Variants in PTPRM observed in about 807,000 individuals in gnomAD.
PTPRM encodes receptor-type tyrosine-protein phosphatase mu.
In PTPRM, 47 loss-of-function variants were observed where a neutral mutation model predicts 186.7. That is an observed-to-expected ratio of 0.25 (90% CI 0.20 to 0.32). PTPRM has a LOEUF of 0.32. PTPRM is among the 10% of genes least tolerant of loss of function. The pLI, the probability that PTPRM is intolerant of heterozygous loss-of-function variation, is 1.00. For missense variants in PTPRM, 1,494 were observed against 1,865.0 expected (o/e 0.80, Z 3.66); for synonymous variants, 668 against 674.9 (o/e 0.99, Z 0.16).
rs765394035 is a variant in PTPRM at position 8,214,108 on chromosome 18, A to AG, written c.2301-29944dup. On this transcript the variant is annotated intron_variant, in intron 14 of 32. Transcript: ENST00000580170. ...GGTATAATGGACATTGGAGACTCGG[A>AG]GGGGGGCAGGTAGGGGAGTGAGACA... is the stretch of plus-strand genomic sequence containing the variant. Among the ~76,000 whole-genome samples, 6 of 152,084 alleles carry AG rather than the reference A, an allele frequency of 3.9e-5. No homozygotes were observed. The South Asian group carries it at 6.3e-4, about 16-fold the overall frequency.
At chr18:8,063,607 T>G (rs1443114036) in intron 7 of PTPRM, among the ~76,000 whole-genome samples, 1 of 152,176 alleles carries the variant, frequency 6.6e-6, no homozygotes, top group African/African-American at 2.4e-5. Flanking sequence ...CTACCCCTCT[T>G]TTTCCAACCT....
chr18:8,206,685 A>G (rs941818446), intron 14 of PTPRM, among the ~76,000 whole-genome samples: 1 of 152,250 alleles, frequency 6.6e-6, no homozygotes, highest in Non-Finnish European at 1.5e-5. Flanking sequence ...CAATATATGT[A>G]TTAAAGGCTG....
intron 7 of PTPRM, among the ~76,000 whole-genome samples, chr18:8,016,561 G>A (rs73385605): frequency 0.028 from 4,152 of 149,362 alleles, 112 homozygotes; most frequent in African/African-American, 0.071. Context: ...AAAAAGAAAA[G>A]AAAACACAAG....
intron 14 of PTPRM, among the ~76,000 whole-genome samples, chr18:8,172,165 T>C (rs2093411298): frequency 6.6e-6 from 1 of 152,050 alleles, no homozygotes; most frequent in Non-Finnish European, 1.5e-5. Flanking sequence ...GACTCACAGT[T>C]CTACGTGGCT....
chr18:7,869,064 C>A (rs567047141), intron 2 of PTPRM, among the ~76,000 whole-genome samples: 195 of 152,312 alleles, frequency 1.3e-3, no homozygotes, highest in African/African-American at 4.4e-3. Flanking sequence ...GCTGGAGCAT[C>A]CCAGGTTGAC....
intron 1 of PTPRM, among the ~76,000 whole-genome samples, chr18:7,665,691 C>T (rs896285152): frequency 6.6e-6 from 1 of 151,978 alleles, no homozygotes; most frequent in African/African-American, 2.4e-5. Context: ...CTTTTGGAGG[C>T]CGAGGGGGGT....
intron 23 of PTPRM, among the ~76,000 whole-genome samples, chr18:8,344,444 G>GTATATATATATATATATATA (rs749210473): frequency 7.7e-6 from 1 of 129,536 alleles, no homozygotes; most frequent in African/African-American, 3.3e-5. Flanking sequence ...GTGTGTGTGT[G>GTATATATATATATATATATA]TGTGTATATA....
chr18:7,740,190 C>T (rs1026800449), intron 1 of PTPRM, among the ~76,000 whole-genome samples: 4 of 152,162 alleles, frequency 2.6e-5, no homozygotes, highest in African/African-American at 9.7e-5. Context: ...CACCCTACCC[C>T]TCAGCTCCAA....
intron 23 of PTPRM, among the ~76,000 whole-genome samples, chr18:8,367,320 A>G (rs1473175990): frequency 6.6e-6 from 1 of 152,338 alleles, no homozygotes; most frequent in South Asian, 2.1e-4. Context: ...CCGCCCCGCC[A>G]GGTGCCTGTG....
intron 12 of PTPRM, 118 bp downstream of exon 12, chr18:8,113,877 A>G (rs2091855414): frequency 2.8e-6 from 3 of 1,069,570 alleles, no homozygotes; most frequent in African/African-American, 3.2e-5. Flanking sequence ...CTTGTAAACA[A>G]ATGTGATTTT....
chr18:8,363,492 C>T (rs2095609198), intron 23 of PTPRM, among the ~76,000 whole-genome samples: 1 of 152,146 alleles, frequency 6.6e-6, no homozygotes, highest in Non-Finnish European at 1.5e-5. Context: ...CTCTGATGTA[C>T]CTGGCGGCAT....
intron 1 of PTPRM, among the ~76,000 whole-genome samples, chr18:7,591,428 T>TA (rs1250720783): frequency 6.6e-6 from 1 of 152,158 alleles, no homozygotes; most frequent in Non-Finnish European, 1.5e-5. Flanking sequence ...TCTGGGCCAC[T>TA]AATTGATATC....
chr18:7,865,721 C>T (rs1184366223), intron 2 of PTPRM, among the ~76,000 whole-genome samples: 1 of 152,092 alleles, frequency 6.6e-6, no homozygotes, highest in Non-Finnish European at 1.5e-5. Flanking sequence ...CGGAGGATTC[C>T]TTCTTTTTCT....
chr18:7,718,430 TAAATCTAAGACCTGA>T (rs1195356091), intron 1 of PTPRM, among the ~76,000 whole-genome samples: 3 of 152,200 alleles, frequency 2.0e-5, no homozygotes, highest in Non-Finnish European at 4.4e-5. Context: ...ATCAAAGACT[TAAATCTAAGACCTGA>T]AACCATAAGC....
At chr18:8,237,326 C>A (rs1323021576) in intron 14 of PTPRM, among the ~76,000 whole-genome samples, 1 of 151,026 alleles carries the variant, frequency 6.6e-6, no homozygotes, top group African/African-American at 2.5e-5. Flanking sequence ...TCATGTTCTT[C>A]CTTTCTCTTT....
intron 7 of PTPRM, among the ~76,000 whole-genome samples, chr18:7,976,163 G>A (rs926252367): frequency 1.3e-5 from 2 of 151,846 alleles, no homozygotes; most frequent in African/African-American, 4.8e-5. Flanking sequence ...GGGAGACTCC[G>A]TCTCAAAAAA....
intron 7 of PTPRM, among the ~76,000 whole-genome samples, chr18:8,025,372 C>G (rs1379149252): frequency 1.3e-5 from 2 of 152,106 alleles, no homozygotes; most frequent in Non-Finnish European, 2.9e-5. Context: ...CTTCTTTTGT[C>G]AAATAGAGAC....
chr18:7,723,342 A>G (rs1335971992), intron 1 of PTPRM, among the ~76,000 whole-genome samples: 3 of 152,230 alleles, frequency 2.0e-5, no homozygotes, highest in African/African-American at 7.2e-5. Flanking sequence ...TCAAGCAAGC[A>G]AGCTTTTTCT....
In PTPRM at chr18:7,983,386, C is replaced by T. The variant is rs147321642; in HGVS notation, c.1132+27972C>T. Among the ~76,000 whole-genome samples the T allele has an allele frequency of 9.3e-4, 142 of 152,218 alleles. 1 individual carries two copies. The East Asian group carries it at 0.025, about 27-fold the overall frequency. On this transcript the variant is annotated intron_variant, in intron 7 of 32. Transcript: ENST00000580170. ...TTAGTGGGAAAATTGTCTTCTACAA[C>T]ACTGGTCCCTGGTGCCAAAAAGTTT...
Sources: allele counts gnomAD v4.1 joint callset (sites outside exome capture counted in the v4.1 genomes callset), GRCh38; gene constraint gnomAD v4.1.1; transcripts MANE v1.5; gene names NCBI Gene and HGNC (gene_info 2026-07-23, HGNC 2026-07-21).